DYRK4: variants seen among roughly 807,000 people sequenced by gnomAD.
The protein encoded by DYRK4 is dual specificity tyrosine phosphorylation regulated kinase 4, also known as dual specificity tyrosine-phosphorylation-regulated kinase 4.
Under a neutral mutation model 68.3 loss-of-function variants are expected in DYRK4, and 64 were observed. The observed-to-expected ratio is 0.94, with a 90% CI of 0.77 to 1.15. The LOEUF is 1.15. DYRK4 is among the 50% of genes most tolerant of loss of function. The pLI is 0.00. For missense variants in DYRK4, 740 were observed against 764.7 expected (o/e 0.97, Z 0.38); for synonymous variants, 274 against 289.9 (o/e 0.95, Z 0.56).
rs147200670 is a variant in DYRK4, at chr12:4,583,967, G to A, written c.133-4970G>A. The stretch of plus-strand genomic sequence containing the variant: ...GCCCCGCCCGATGACCCAGCCAGTG[G>A]GACTGGTCTTGAAGTTCCAGGGCTG... On this transcript the variant is annotated intron_variant, in intron 2 of 14. Coordinates refer to ENST00000543431, the MANE Select transcript of DYRK4 (RefSeq NM_001394779.1). Among the ~76,000 whole-genome samples, 241 of 152,308 alleles carry A rather than the reference G, an allele frequency of 1.6e-3. 1 individual carries two copies. The highest frequency in any genetic ancestry group is 5.5e-3 in the African/African-American group (228 of 41,562).
At chr12:4,562,516 G>A (rs1944637394) in intron 1 of DYRK4, among the ~76,000 whole-genome samples, 2 of 152,238 alleles carry the variant, frequency 1.3e-5, no homozygotes, top group South Asian at 4.1e-4. Context: ...ATACTTCCAT[G>A]TTAAGATGCT....
chr12:4,599,269 A>AATTTT, intron 9 of DYRK4, 103 bp downstream of exon 9: 1 of 647,118 alleles, frequency 1.5e-6, no homozygotes, highest in Non-Finnish European at 2.2e-6. Context: ...ATTGCCTTTG[A>AATTTT]CTTTTTTTTT....
chr12:4,605,221 G>A lies in DYRK4; in HGVS notation c.1299+135G>A, dbSNP rs138284404. Reference sequence around the variant, plus strand: ...TGTTGTTGTTGAGTATTCCCTAAAAGGAGTTTTGAAATTGTGTACTCCCTT... The same window carrying A: ...TGTTGTTGTTGAGTATTCCCTAAAAAGAGTTTTGAAATTGTGTACTCCCTT... On this transcript the variant is annotated intron_variant, in intron 11 of 14. Transcript: ENST00000543431. 378 of 737,494 alleles carry A rather than the reference G, an allele frequency of 5.1e-4. No individual in the cohort carries two copies. In the African/African-American group the frequency reaches 6.1e-3, roughly 12 times the overall value. 45.7% of individuals were successfully genotyped at this position (737,494 alleles called of 1,614,324 possible). A position where few individuals can be genotyped will look rare whatever the true frequency, so the allele number is the denominator to read the frequency against.
Position 4,591,437 on chromosome 12 carries a change from A to G in DYRK4, c.463+139A>G. 1.6e-6 allele frequency: 2 copies of G among 1,237,296 alleles called. 1 individual carries two copies. Among genetic ancestry groups the G allele is most frequent in the South Asian group, 3.3e-5 (2 of 61,098 alleles). 76.6% of individuals were successfully genotyped at this position (1,237,296 alleles called of 1,614,324 possible). A position where few individuals can be genotyped will look rare whatever the true frequency, so the allele number is the denominator to read the frequency against. ...GGCAGCCAGCCAAGAGGAAAGTAGAAGTTAAGCGTTGAACCTCTGACTGTG... is the reference window on the plus strand; with the variant it reads ...GGCAGCCAGCCAAGAGGAAAGTAGAGGTTAAGCGTTGAACCTCTGACTGTG... On this transcript the variant is annotated intron_variant, in intron 5 of 14. Transcript: ENST00000543431. The surrounding 1 kb of genome is among the most constrained non-coding windows in gnomAD (Gnocchi z 4.1).
At position 4,579,972 on chromosome 12, in the gene DYRK4, T is replaced by C. The variant is rs112950713; in HGVS notation, c.133-8965T>C. 3.4e-3 allele frequency among the ~76,000 whole-genome samples: 519 copies of C among 152,300 alleles called. 4 individuals are homozygous for C. The highest frequency in any genetic ancestry group is 0.012 in the African/African-American group (499 of 41,556). Reference sequence around the variant, plus strand: ...ACGTTCTAGACGGGCTTGCTGCTGTTAATTGTGTTATCTTGGACAAGTCAC... The same window carrying C: ...ACGTTCTAGACGGGCTTGCTGCTGTCAATTGTGTTATCTTGGACAAGTCAC... On this transcript the variant is annotated intron_variant, in intron 2 of 14. Coordinates refer to ENST00000543431, the MANE Select transcript of DYRK4 (RefSeq NM_001394779.1).
chr12:4,607,264 AC>A, intron 11 of DYRK4, 62 bp from the exon 12 acceptor site: 1 of 1,599,068 alleles, frequency 6.3e-7, no homozygotes, highest in Non-Finnish European at 8.6e-7. Flanking sequence ...AGTACGCTCC[AC>A]CCCTCAGCCT....
intron 10 of DYRK4, chr12:4,601,876 TTG>T (rs58259135): frequency 0.031 from 4,826 of 157,552 alleles, 76 homozygotes; most frequent in African/African-American, 0.053. Flanking sequence ...TCTGTAGGGT[TTG>T]TGTGTGTGTG....
chr12:4,570,682 A>G (rs1023894155), intron 2 of DYRK4, among the ~76,000 whole-genome samples: 1 of 152,210 alleles, frequency 6.6e-6, no homozygotes, highest in East Asian at 1.9e-4. Flanking sequence ...TAAATTAATA[A>G]TTATTTATGT....
At chr12:4,579,457 C>T (rs963164704) in intron 2 of DYRK4, among the ~76,000 whole-genome samples, 2 of 152,176 alleles carry the variant, frequency 1.3e-5, no homozygotes, top group African/African-American at 4.8e-5. Flanking sequence ...TTTCATGCTT[C>T]ACTGACATGC....
chr12:4,587,603 A>G (rs1246630661), intron 2 of DYRK4, among the ~76,000 whole-genome samples: 6 of 152,224 alleles, frequency 3.9e-5, no homozygotes, highest in Non-Finnish European at 7.3e-5. Flanking sequence ...TTGCTCAGAT[A>G]CCATTTTCCA....
At chr12:4,600,700 G>C (rs1340818739) in intron 10 of DYRK4, among the ~76,000 whole-genome samples, 1 of 151,626 alleles carries the variant, frequency 6.6e-6, no homozygotes, top group African/African-American at 2.4e-5. Flanking sequence ...GTATTGAGAA[G>C]GGGTGTGAAG....
chr12:4,602,521 G>A, intron 10 of DYRK4: 1 of 1,198,060 alleles, frequency 8.3e-7, no homozygotes. Flanking sequence ...TGAGTGGTGG[G>A]ATATAAGCCA....
intron 2 of DYRK4, chr12:4,573,183 A>T: frequency 1.7e-6 from 1 of 579,250 alleles, no homozygotes; most frequent in Non-Finnish European, 2.7e-6. Context: ...AGTTAACATT[A>T]AAACGTTTAA....
chr12:4,563,558 G>C (rs561472593), intron 1 of DYRK4, among the ~76,000 whole-genome samples: 137 of 152,294 alleles, frequency 9.0e-4, no homozygotes, highest in African/African-American at 3.1e-3. Context: ...CGTGCTGCCT[G>C]ACTTAGCAAT....
chr12:4,597,156 T>G, intron 8 of DYRK4: 2 of 1,040,478 alleles, frequency 1.9e-6, no homozygotes, highest in Non-Finnish European at 2.3e-6. Flanking sequence ...TGATTTTGAG[T>G]AAATAAGGAC....
intron 6 of DYRK4, among the ~76,000 whole-genome samples, chr12:4,594,462 G>A (rs140238907): frequency 3.2e-4 from 49 of 152,254 alleles, no homozygotes; most frequent in African/African-American, 1.1e-3. Flanking sequence ...GACCTCAGGC[G>A]ATCCATCCGT....
At chr12:4,573,232 A>T in intron 2 of DYRK4, 1 of 1,039,434 alleles carries the variant, frequency 9.6e-7, no homozygotes, top group Non-Finnish European at 1.3e-6. Flanking sequence ...TCAGTGGCTC[A>T]ATGAAGATAG....
chr12:4,587,337 G>A (rs988024949), intron 2 of DYRK4, among the ~76,000 whole-genome samples: 14 of 152,128 alleles, frequency 9.2e-5, no homozygotes, highest in African/African-American at 2.9e-4. Context: ...ATTCAGAAGA[G>A]CGCCCCCTCT....
At chr12:4,572,585 G>A (rs1180852848) in intron 2 of DYRK4, among the ~76,000 whole-genome samples, 1 of 152,174 alleles carries the variant, frequency 6.6e-6, no homozygotes, top group Non-Finnish European at 1.5e-5. Flanking sequence ...GTGAGCCACC[G>A]TGCCTGGCCT....
Sources: allele counts gnomAD v4.1 joint callset (sites outside exome capture counted in the v4.1 genomes callset), GRCh38; gene constraint gnomAD v4.1.1; non-coding constraint Gnocchi (gnomAD v3.1); transcripts MANE v1.5; gene names NCBI Gene and HGNC (gene_info 2026-07-23, HGNC 2026-07-21).